The following DAB1 variants were observed in gnomAD, a reference collection of about 807,000 sequenced individuals.
DAB1 encodes the protein disabled homolog 1.
In DAB1, 15 loss-of-function variants were observed where a neutral mutation model predicts 64.6. The ratio of observed to expected loss-of-function variants is 0.23; its 90% CI spans 0.16 to 0.36. The LOEUF (loss-of-function observed/expected upper bound fraction) is 0.36. DAB1 is among the 10% of genes least tolerant of loss of function. The pLI is 1.00. For synonymous variants in DAB1, 235 were observed against 251.9 expected, an observed-to-expected ratio of 0.93 and a Z score of 0.64; for missense variants, 596 against 706.7, an observed-to-expected ratio of 0.84 and a Z score of 1.78.
chr1:57,029,101 G>T (rs1646885894), intron 9 of DAB1, among the ~76,000 whole-genome samples: 1 of 152,152 alleles, frequency 6.6e-6, no homozygotes, highest in Admixed American at 6.6e-5. Context: ...TGGTTTTGTG[G>T]GCTGGGCCCA....
chr1:57,822,180 A>G (rs1402767906), downstream of DAB1, among the ~76,000 whole-genome samples: 1 of 152,240 alleles, frequency 6.6e-6, no homozygotes, highest in East Asian at 1.9e-4. Flanking sequence ...AATTCAACCT[A>G]TAATTATTTG....
chr1:58,328,606 C>G (rs1662895444), intron 4 of DAB1, among the ~76,000 whole-genome samples: 2 of 152,146 alleles, frequency 1.3e-5, no homozygotes, highest in Admixed American at 6.5e-5. Flanking sequence ...TGCTCAATTT[C>G]TGGCCTTTGT....
chr1:57,332,736 T>TA (rs960134888), intron 1 of DAB1, among the ~76,000 whole-genome samples: 13 of 152,126 alleles, frequency 8.5e-5, no homozygotes, highest in Admixed American at 7.9e-4. Context: ...CCAATAGATT[T>TA]AAAAAAATGG....
At chr1:57,270,876 G>T (rs1252284223) in intron 2 of DAB1, among the ~76,000 whole-genome samples, 1 of 152,134 alleles carries the variant, frequency 6.6e-6, no homozygotes, top group African/African-American at 2.4e-5. Flanking sequence ...GGGCCTGTTG[G>T]AAACATCATA....
At chr1:57,732,457 C>T (rs528313797) in intron 6 of DAB1, among the ~76,000 whole-genome samples, 5 of 152,254 alleles carry the variant, frequency 3.3e-5, no homozygotes, top group South Asian at 2.1e-4. Flanking sequence ...CCAATTGCTA[C>T]GATTCATCGG....
intron 4 of DAB1, among the ~76,000 whole-genome samples, chr1:58,198,835 C>T (rs971110890): frequency 1.3e-5 from 2 of 152,114 alleles, no homozygotes; most frequent in Admixed American, 6.5e-5. Context: ...GATGGCCATG[C>T]GCAGTGGCTC....
intron 9 of DAB1, among the ~76,000 whole-genome samples, chr1:57,043,780 G>C (rs1398743969): frequency 1.3e-5 from 2 of 151,974 alleles, no homozygotes; most frequent in South Asian, 2.1e-4. Context: ...CCAGGAGATG[G>C]AGGTTACAGT....
chr1:58,222,035 G>C (rs552926083), intron 4 of DAB1, among the ~76,000 whole-genome samples: 2 of 152,322 alleles, frequency 1.3e-5, no homozygotes, highest in South Asian at 4.1e-4. Context: ...TAATCCATTA[G>C]AATATGCTTT....
chr1:58,442,659 GTCACTGACAAGC>G (rs1239748233), intron 3 of DAB1, among the ~76,000 whole-genome samples: 1 of 152,192 alleles, frequency 6.6e-6, no homozygotes, highest in Non-Finnish European at 1.5e-5. Context: ...TCCTTGCTCT[GTCACTGACAAGC>G]TGTGTGTCCT....
chr1:57,954,998 C>G (rs919443496), intron 5 of DAB1, among the ~76,000 whole-genome samples: 4 of 152,164 alleles, frequency 2.6e-5, no homozygotes, highest in Non-Finnish European at 5.9e-5. Flanking sequence ...GAGACCATGC[C>G]AAGCCTTCTC....
intron 7 of DAB1, among the ~76,000 whole-genome samples, chr1:57,500,679 T>C (rs996127126): frequency 6.6e-6 from 1 of 152,196 alleles, no homozygotes; most frequent in African/African-American, 2.4e-5. Flanking sequence ...CCAAGGAGAA[T>C]GTTATTCTTA....
At position 58,432,910 on chromosome 1, in the gene DAB1, C is replaced by T. The variant is rs187680077; in HGVS notation, n.257+73150G>A. ...CCTCCCCCCAGCCCCCTTCACGTGA[C>T]GACATCAGGGAAGAGGGCTGGCCCC... On this transcript the variant is annotated intron_variant and non_coding_transcript_variant, in intron 3 of 20. Transcript: ENST00000485760. 1.3e-3 allele frequency among the ~76,000 whole-genome samples: 193 copies of T among 152,346 alleles called. 2 individuals carry two copies. The highest frequency in any genetic ancestry group is 2.4e-3 in the Non-Finnish European group (164 of 68,042).
At chr1:57,626,297 C>T (rs1436608524) in intron 7 of DAB1, among the ~76,000 whole-genome samples, 1 of 152,154 alleles carries the variant, frequency 6.6e-6, no homozygotes, top group Non-Finnish European at 1.5e-5. Flanking sequence ...CAGGGCAGTG[C>T]AGAAGCTCAC....
intron 5 of DAB1, among the ~76,000 whole-genome samples, chr1:58,095,592 C>A (rs1401873104): frequency 6.6e-6 from 1 of 152,182 alleles, no homozygotes; most frequent in Non-Finnish European, 1.5e-5. Flanking sequence ...CTTTCCCTAT[C>A]ACTCTCAGAC....
In DAB1 at chr1:58,126,685, A is replaced by C. The variant is rs569830587; in HGVS notation, n.387+23826T>G. On this transcript the variant is annotated intron_variant and non_coding_transcript_variant, in intron 5 of 20. Coordinates refer to the DAB1 transcript ENST00000485760. Reference sequence around the variant, plus strand: ...CATGTGATCTCATTGTTCAATTCCCACCTAGGAGTGAGAATATGCGGTGTT... The same window carrying C: ...CATGTGATCTCATTGTTCAATTCCCCCCTAGGAGTGAGAATATGCGGTGTT... Among the ~76,000 whole-genome samples, 499 of 135,798 alleles carry C rather than the reference A, an allele frequency of 3.7e-3. 2 individuals carry two copies. The highest frequency in any genetic ancestry group is 0.013 in the African/African-American group (477 of 35,976). 89.1% of individuals were successfully genotyped at this position (135,798 alleles called of 152,430 possible). A position where few individuals can be genotyped will look rare whatever the true frequency, so the allele number is the denominator to read the frequency against.
intron 4 of DAB1, among the ~76,000 whole-genome samples, chr1:57,125,547 A>G (rs1657061523): frequency 6.6e-6 from 1 of 152,202 alleles, no homozygotes; most frequent in African/African-American, 2.4e-5. Context: ...CTACATGTAC[A>G]TGAAAGTAGG....
intron 1 of DAB1, among the ~76,000 whole-genome samples, chr1:57,397,658 C>T (rs374031216): frequency 1.3e-5 from 2 of 152,204 alleles, no homozygotes; most frequent in African/African-American, 4.8e-5. Context: ...AGGGCAGAGA[C>T]AGGAATTCAT....
intron 6 of DAB1, among the ~76,000 whole-genome samples, chr1:57,707,351 A>G (rs997456771): frequency 5.7e-5 from 8 of 140,320 alleles, no homozygotes; most frequent in Non-Finnish European, 1.2e-4. Flanking sequence ...AGAAAATAAG[A>G]AACTTTTTTT....
intron 3 of DAB1, among the ~76,000 whole-genome samples, chr1:58,495,145 C>T (rs1390571968): frequency 3.3e-5 from 5 of 152,272 alleles, no homozygotes; most frequent in African/African-American, 9.6e-5. Context: ...TGGAAACCAT[C>T]ATTCTCAGCA....
Sources: allele counts gnomAD v4.1 joint callset (sites outside exome capture counted in the v4.1 genomes callset), GRCh38; gene constraint gnomAD v4.1.1; transcripts MANE v1.5; gene names NCBI Gene and HGNC (gene_info 2026-07-23, HGNC 2026-07-21).